Variants in NPPA observed in about 807,000 individuals in gnomAD.
NPPA encodes natriuretic peptides A.
In NPPA, 10 loss-of-function variants were observed where a neutral mutation model predicts 12.2. The observed-to-expected ratio is 0.82, with a 90% CI of 0.50 to 1.38. The LOEUF is 1.38. NPPA is among the 40% of genes most tolerant of loss of function. The probability of loss-of-function intolerance (pLI) is 0.00; values close to 1 mark genes in which losing one functional copy is unlikely to be tolerated. For missense variants in NPPA, 207 were observed against 193.5 expected (o/e 1.07, Z -0.41); for synonymous variants, 85 against 80.2 (o/e 1.06, Z -0.32).
chr1:11,847,346 C>T lies in NPPA; in HGVS notation c.217G>A (p.Ala73Thr). The change falls in exon 2 of 3, where the codon GCT (alanine) becomes ACT (threonine). Residue 73 changes from alanine (A) to threonine (T), a missense_variant. Transcript: ENST00000376480. ...LSEPNEEAGA[A>T]LSPLPEVPPW... The stretch of plus-strand genomic sequence containing the variant: ...GGCACCTCAGGGAGGGGGCTGAGAG[C>T]AGCCCCCGCTTCTTCATTCGGCTCA... 1 of 1,613,690 alleles carries T rather than the reference C, an allele frequency of 6.2e-7. No individual in the cohort carries two copies. The highest frequency in any genetic ancestry group is 8.5e-7 in the Non-Finnish European group (1 of 1,179,808).
chr1:11,846,298 C>G (rs1370348803), intron 2 of NPPA, among the ~76,000 whole-genome samples: 1 of 151,260 alleles, frequency 6.6e-6, no homozygotes, highest in Admixed American at 6.6e-5. Flanking sequence ...ATTTTAATTT[C>G]CCAGTGCTAG....
intron 2 of NPPA, 123 bp downstream of exon 2, chr1:11,846,990 G>A (rs1645073329): frequency 8.4e-6 from 7 of 837,204 alleles, no homozygotes; most frequent in Non-Finnish European, 1.8e-6. Flanking sequence ...ACACCCATGG[G>A]GCACTCTGGG....
chr1:11,847,067 C>T (rs763919651), intron 2 of NPPA, 46 bp downstream of exon 2: 5 of 1,490,010 alleles, frequency 3.4e-6, no homozygotes, highest in African/African-American at 2.8e-5. Context: ...AAGGTGTCTC[C>T]CAGTAGTGTC....
chr1:11,847,543 C>T lies in NPPA; in HGVS notation c.123+19G>A. The T allele has an allele frequency of 1.2e-6, 2 of 1,614,204 alleles. No individual in the cohort carries two copies. The highest frequency in any genetic ancestry group is 1.7e-6 in the Non-Finnish European group (2 of 1,180,026). Reference sequence around the variant, plus strand: ...GAAAGCCCCCTGGCCCCAGACTGCACCCGCTTTCCTGGCCCTACCTTGAAA... The same window carrying T: ...GAAAGCCCCCTGGCCCCAGACTGCATCCGCTTTCCTGGCCCTACCTTGAAA... On this transcript the variant is annotated intron_variant, in intron 1 of 2. Transcript: ENST00000376480.
chr1:11,847,705 A>G lies in NPPA; in HGVS notation c.-21T>C. On this transcript the variant is annotated 5_prime_UTR_variant, in exon 1 of 3. Transcript: ENST00000376480. ...CTCATGCTGGCGTCGTCAAGGAGCA[A>G]TCCACTGCTTGCTGCTCTGTCTCTC... The G allele has an allele frequency of 2.5e-6, 4 of 1,613,812 alleles. No homozygotes were observed. Among genetic ancestry groups the G allele is most frequent in the Non-Finnish European group, 3.4e-6 (4 of 1,179,986 alleles).
chr1:11,846,278 C>T (rs2100674552), intron 2 of NPPA, among the ~76,000 whole-genome samples: 1 of 150,918 alleles, frequency 6.6e-6, no homozygotes, highest in East Asian at 1.9e-4. Context: ...GATAACTTGG[C>T]TCTATGAATA....
Position 11,846,002 on chromosome 1 carries a change from G to C in NPPA, c.*7C>G, listed in dbSNP as rs780974291. The C allele has an allele frequency of 1.9e-6, 3 of 1,613,932 alleles. No individual in the cohort carries two copies. The African/African-American group carries it at 4.0e-5, about 22-fold the overall frequency. ...CCAGCCCTGCTTGTCCTCCCTGGCTGTTATCTTCAGTACTGCAAAGAGAAC... is the reference window on the plus strand; with the variant it reads ...CCAGCCCTGCTTGTCCTCCCTGGCTCTTATCTTCAGTACTGCAAAGAGAAC... On this transcript the variant is annotated 3_prime_UTR_variant, in exon 3 of 3. Coordinates refer to ENST00000376480, the MANE Select transcript of NPPA (RefSeq NM_006172.4).
chr1:11,846,420 C>T (rs1410636217), intron 2 of NPPA, among the ~76,000 whole-genome samples: 2 of 147,916 alleles, frequency 1.4e-5, no homozygotes, highest in African/African-American at 2.5e-5. Flanking sequence ...CCCGGGTTCA[C>T]GCCATTCTCC....
Position 11,847,677 on chromosome 1 carries a change from G to A in NPPA, c.8C>T (p.Ser3Phe). MS[S>F]FSTTTVSFLL... is the part of the protein sequence containing the mutation. ...GAAGCTCACGGTGGTGGTGGAGAAG[G>A]AGCTCATGCTGGCGTCGTCAAGGAG... The change falls in exon 1 of 3, where the codon TCC (serine) becomes TTC (phenylalanine). Residue 3 changes from serine to phenylalanine, a missense_variant. Ser to Phe is a radical substitution (Grantham distance 155). Coordinates refer to ENST00000376480, the MANE Select transcript of NPPA (RefSeq NM_006172.4). The A allele has an allele frequency of 6.2e-7, 1 of 1,614,150 alleles. No homozygotes were observed. The highest frequency in any genetic ancestry group is 1.1e-5 in the South Asian group (1 of 91,072).
chr1:11,847,166 C>T lies in NPPA; in HGVS notation c.397G>A (p.Gly133Ser). 6.3e-7 allele frequency: 1 copy of T among 1,587,508 alleles called. No individual in the cohort carries two copies. The highest frequency in any genetic ancestry group is 8.6e-7 in the Non-Finnish European group (1 of 1,163,494). ...TGGGCTCCAATCCTGTCCATCCTGC[C>T]CCCGAAGCAGCTGGATCTCCGCAGG... ...RSLRRSSCFG[G>S]RMDRIGAQSG... Residue 133 changes from glycine (G) to serine (S), a missense_variant, in exon 2 of 3, where the codon GGC becomes AGC. Coordinates refer to ENST00000376480, the MANE Select transcript of NPPA (RefSeq NM_006172.4).
chr1:11,845,970 C>T lies in NPPA; in HGVS notation c.*39G>A, dbSNP rs1436146802. The T allele has an allele frequency of 6.2e-7, 1 of 1,610,238 alleles. No individual in the cohort carries two copies. The highest frequency in any genetic ancestry group is 1.3e-5 in the African/African-American group (1 of 74,766). On this transcript the variant is annotated 3_prime_UTR_variant, in exon 3 of 3. Coordinates refer to ENST00000376480, the MANE Select transcript of NPPA (RefSeq NM_006172.4). ...GGACAGGAGCCTCTTGCAGTCTGTC[C>T]CTAGGCCCAGCCCTGCTTGTCCTCC...
intron 2 of NPPA, among the ~76,000 whole-genome samples, chr1:11,846,756 C>T (rs1186769598): frequency 6.6e-6 from 1 of 151,618 alleles, no homozygotes; most frequent in Non-Finnish European, 1.5e-5. Context: ...GCTGAGAGTA[C>T]AGGTGCCCGC....
chr1:11,846,007 C>T lies in NPPA; in HGVS notation c.*2G>A, dbSNP rs2100674305. The T allele has an allele frequency of 6.2e-7, 1 of 1,614,142 alleles. No individual in the cohort carries two copies. Among genetic ancestry groups the T allele is most frequent in the South Asian group, 1.1e-5 (1 of 91,078 alleles). ...CCTGCTTGTCCTCCCTGGCTGTTATCTTCAGTACTGCAAAGAGAACACAGA... is the reference window on the plus strand; with the variant it reads ...CCTGCTTGTCCTCCCTGGCTGTTATTTTCAGTACTGCAAAGAGAACACAGA... On this transcript the variant is annotated 3_prime_UTR_variant, in exon 3 of 3. Transcript: ENST00000376480.
chr1:11,846,583 G>A (rs1036878849), intron 2 of NPPA, among the ~76,000 whole-genome samples: 6 of 147,752 alleles, frequency 4.1e-5, no homozygotes, highest in African/African-American at 1.3e-4. Context: ...GCCTCCCAAA[G>A]CGCTGGGATT....
chr1:11,845,808 G>A lies in NPPA; in HGVS notation c.*201C>T, dbSNP rs1645064488. On this transcript the variant is annotated 3_prime_UTR_variant, in exon 3 of 3. Coordinates refer to ENST00000376480, the MANE Select transcript of NPPA (RefSeq NM_006172.4). ...AAATTTAATGCATGGGGTGGGAGAGGCGAGGAAGTCACCATCAAACCACTT... is the reference window on the plus strand; with the variant it reads ...AAATTTAATGCATGGGGTGGGAGAGACGAGGAAGTCACCATCAAACCACTT... 1.6e-6 allele frequency: 1 copy of A among 633,004 alleles called. No individual in the cohort carries two copies. The highest frequency in any genetic ancestry group is 2.7e-5 in the East Asian group (1 of 36,406). The allele number at this position is 633,004 out of a possible 1,614,324, so 39.2% of individuals were successfully genotyped here. A position where few individuals can be genotyped will look rare whatever the true frequency, so the allele number is the denominator to read the frequency against.
chr1:11,847,614 C>T lies in NPPA; in HGVS notation c.71G>A (p.Arg24Lys). 6.2e-7 allele frequency: 1 copy of T among 1,614,106 alleles called. No individual in the cohort carries two copies. Among genetic ancestry groups the T allele is most frequent in the South Asian group, 1.1e-5 (1 of 91,064 alleles). Residue 24 changes from arginine (R) to lysine (K), a missense_variant, in exon 1 of 3, where the codon AGA (arginine) becomes AAA (lysine). Coordinates refer to ENST00000376480, the MANE Select transcript of NPPA (RefSeq NM_006172.4). ...CACGGCATTGTACATGGGATTAGCT[C>T]TGGTCTGACCTAGGAGCTGGAATGC... is the stretch of plus-strand genomic sequence containing the variant. Reference protein sequence around the residue: ...LLAFQLLGQTRANPMYNAVSN... With the variant: ...LLAFQLLGQTKANPMYNAVSN...
rs766292107 is a variant in NPPA at position 11,847,636 on chromosome 1, A to G, written c.49T>C (p.Phe17Leu). 9.3e-6 allele frequency: 15 copies of G among 1,613,950 alleles called. No individual in the cohort carries two copies. The highest frequency in any genetic ancestry group is 1.7e-6 in the Non-Finnish European group (2 of 1,180,020). Residue 17 changes from phenylalanine (F) to leucine (L), a missense_variant, in exon 1 of 3, where the codon TTC becomes CTC. Physicochemically the swap from Phe to Leu is conservative, Grantham distance 22 (BLOSUM62 0). Transcript: ENST00000376480. Reference sequence around the variant, plus strand: ...GCTCTGGTCTGACCTAGGAGCTGGAATGCCAGTAAAAGGAGGAAGCTCACG... The same window carrying G: ...GCTCTGGTCTGACCTAGGAGCTGGAGTGCCAGTAAAAGGAGGAAGCTCACG... ...TTVSFLLLLA[F>L]QLLGQTRANP...
chr1:11,847,478 A>G (rs1338539934), intron 1 of NPPA, 39 bp from the exon 2 acceptor site: 2 of 1,611,172 alleles, frequency 1.2e-6, no homozygotes, highest in Admixed American at 1.7e-5. Context: ...GATAAACCTC[A>G]CTGACTTGGA....
In NPPA at chr1:11,847,213, G is replaced by A. The variant is rs72639212; in HGVS notation, c.350C>T (p.Ala117Val). The A allele has an allele frequency of 3.6e-5, 58 of 1,611,196 alleles. No homozygotes were observed. The highest frequency in any genetic ancestry group is 4.2e-5 in the Non-Finnish European group (50 of 1,177,844). ...CAGGCTCCGAGGGGCAGTGAGCAGC[G>A]CCCTCAGCTTGCTTTTTAGGAGGGC... is the stretch of plus-strand genomic sequence containing the variant. Reference protein sequence around the residue: ...RSALLKSKLRALLTAPRSLRR... With the variant: ...RSALLKSKLRVLLTAPRSLRR... The change falls in exon 2 of 3, where the codon GCG (alanine) becomes GTG (valine). Residue 117 changes from alanine (A) to valine (V), a missense_variant. Transcript: ENST00000376480.
Sources: gnomAD v4.1 joint callset for allele counts (sites outside exome capture counted in the v4.1 genomes callset) on GRCh38, gnomAD v4.1.1 for gene constraint, MANE v1.5 for transcripts, NCBI Gene and HGNC (gene_info 2026-07-23, HGNC 2026-07-21) for gene names.